CEMIP: variants seen among roughly 807,000 people sequenced by gnomAD.
CEMIP encodes the protein cell migration inducing hyaluronidase 1.
Under a neutral mutation model 156.9 loss-of-function variants are expected in CEMIP, and 105 were observed. The ratio of observed to expected loss-of-function variants is 0.67; its 90% CI spans 0.57 to 0.79. The LOEUF (loss-of-function observed/expected upper bound fraction) is 0.79, where lower values mean the gene tolerates loss of function less well. Ranked by LOEUF, CEMIP falls within the 30% of genes least tolerant of loss-of-function variation. The probability of loss-of-function intolerance (pLI) is 0.00; values close to 1 mark genes in which losing one functional copy is unlikely to be tolerated. For missense variants in CEMIP, 1,457 were observed against 1,769.4 expected (o/e 0.82, Z 3.17); for synonymous variants, 676 against 668.4 (o/e 1.01, Z -0.17).
At chr15:80,892,196 A>G (rs1899054214) in intron 10 of CEMIP, among the ~76,000 whole-genome samples, 1 of 152,080 alleles carries the variant, frequency 6.6e-6, no homozygotes, top group African/African-American at 2.4e-5. Context: ...CCTGCCATGC[A>G]CTGACATAGC....
intron 1 of CEMIP, among the ~76,000 whole-genome samples, chr15:80,841,635 T>C (rs1187418739): frequency 6.6e-6 from 1 of 152,174 alleles, no homozygotes; most frequent in Non-Finnish European, 1.5e-5. Context: ...TCTTTCTTTT[T>C]CCTTCCTTCT....
At position 80,937,897 on chromosome 15, in the gene CEMIP, G is replaced by A. The variant is rs751807711; in HGVS notation, c.3325G>A (p.Val1109Ile). Reference protein sequence around the residue: ...RLLKQTSKTGVFVRTLQMDKV... With the variant: ...RLLKQTSKTGIFVRTLQMDKV... ...GCTGAAGCAAACGTCCAAGACGGGCGTCTTCGTGAGGACCTTGCAGATGGA... is the reference window on the plus strand; with the variant it reads ...GCTGAAGCAAACGTCCAAGACGGGCATCTTCGTGAGGACCTTGCAGATGGA... The change falls in exon 25 of 30, where the codon GTC becomes ATC. Residue 1109 changes from valine (V) to isoleucine (I), a missense_variant. Physicochemically the swap from Val to Ile is conservative, Grantham distance 29. Coordinates refer to ENST00000394685, the MANE Select transcript of CEMIP (RefSeq NM_001293298.2). The A allele has an allele frequency of 5.1e-5, 83 of 1,614,102 alleles. No individual in the cohort carries two copies. Among genetic ancestry groups the A allele is most frequent in the East Asian group, 1.3e-4 (6 of 44,896 alleles).
At chr15:80,796,221 G>A (rs1896219890) in intron 1 of CEMIP, among the ~76,000 whole-genome samples, 1 of 152,008 alleles carries the variant, frequency 6.6e-6, no homozygotes, top group Admixed American at 6.6e-5. Flanking sequence ...CGATCCTCCT[G>A]TGTCGGCCTC....
At chr15:80,781,396 G>C (rs1001257572) in intron 1 of CEMIP, among the ~76,000 whole-genome samples, 1 of 152,088 alleles carries the variant, frequency 6.6e-6, no homozygotes, top group South Asian at 2.1e-4. Context: ...ATTTCCAAAG[G>C]CTCCTTTTTA....
rs1390327986 is a variant in CEMIP at position 80,848,186 on chromosome 15, A to G, written c.-175-25352A>G. Among the ~76,000 whole-genome samples, 12 of 152,320 alleles carry G rather than the reference A, an allele frequency of 7.9e-5. No individual in the cohort carries two copies. The East Asian group carries it at 2.1e-3, about 27-fold the overall frequency. ...CCCCTGCAGGAGACTGAGGTCTGGA[A>G]GGGCTGAGGTAGCGTATTCTTATTC... On this transcript the variant is annotated intron_variant, in intron 1 of 29. Coordinates refer to ENST00000394685, the MANE Select transcript of CEMIP (RefSeq NM_001293298.2).
chr15:80,822,410 T>G (rs1337422796), intron 1 of CEMIP, among the ~76,000 whole-genome samples: 1 of 152,186 alleles, frequency 6.6e-6, no homozygotes, highest in Non-Finnish European at 1.5e-5. Flanking sequence ...TCTGTCCCTT[T>G]CCAACCCAAA....
rs1240478520 is a variant in CEMIP, at chr15:80,841,480, T to C, written c.-175-32058T>C. Among the ~76,000 whole-genome samples the C allele has an allele frequency of 2.0e-5, 3 of 152,212 alleles. No homozygotes were observed. In the East Asian group the frequency reaches 5.8e-4, roughly 29 times the overall value. On this transcript the variant is annotated intron_variant, in intron 1 of 29. Coordinates refer to ENST00000394685, the MANE Select transcript of CEMIP (RefSeq NM_001293298.2). ...GCACTGCTCCACTTCTTGGTTCCCG[T>C]CCACTCTGTTGGTACAGACATGGGG...
At chr15:80,826,181 A>G (rs1255908719) in intron 1 of CEMIP, among the ~76,000 whole-genome samples, 1 of 152,236 alleles carries the variant, frequency 6.6e-6, no homozygotes. Flanking sequence ...CTTATATTTT[A>G]GATAGTGTAT....
At chr15:80,819,461 G>T (rs1486596826) in intron 1 of CEMIP, among the ~76,000 whole-genome samples, 1 of 152,182 alleles carries the variant, frequency 6.6e-6, no homozygotes, top group Non-Finnish European at 1.5e-5. Context: ...TGGTTCAGAA[G>T]TTGCTTTTCA....
intron 1 of CEMIP, among the ~76,000 whole-genome samples, chr15:80,784,523 A>C (rs1157350276): frequency 6.6e-6 from 1 of 152,004 alleles, no homozygotes; most frequent in African/African-American, 2.4e-5. Flanking sequence ...GGACAGGCAC[A>C]TTTTTCTGTG....
chr15:80,909,360 A>G lies in CEMIP; in HGVS notation c.1797+54A>G. On this transcript the variant is annotated intron_variant, in intron 14 of 29. Coordinates refer to ENST00000394685, the MANE Select transcript of CEMIP (RefSeq NM_001293298.2). ...TGGGGATGGGCCATGGATGGTTAGC[A>G]CTGGAGGGGTGTTTGGATGTAGACA... 9.6e-6 allele frequency: 15 copies of G among 1,557,652 alleles called. No homozygotes were observed. In the South Asian group the frequency reaches 1.3e-4, roughly 14 times the overall value.
chr15:80,847,375 G>A (rs375525656), intron 1 of CEMIP, among the ~76,000 whole-genome samples: 2 of 152,194 alleles, frequency 1.3e-5, no homozygotes, highest in South Asian at 4.1e-4. Flanking sequence ...AAACAAGTGA[G>A]GAGTGAACTT....
intron 1 of CEMIP, among the ~76,000 whole-genome samples, chr15:80,803,840 A>G (rs1445322259): frequency 2.6e-5 from 4 of 152,222 alleles, no homozygotes; most frequent in Admixed American, 2.6e-4. Flanking sequence ...TTTGGACTGC[A>G]ATGATCCCAT....
At chr15:80,816,282 G>A (rs1896786095) in intron 1 of CEMIP, among the ~76,000 whole-genome samples, 2 of 152,226 alleles carry the variant, frequency 1.3e-5, no homozygotes, top group South Asian at 2.1e-4. Context: ...GCTGAGGCAG[G>A]CTAGGCTAGC....
At chr15:80,922,409 C>T (rs897559537) in intron 17 of CEMIP, among the ~76,000 whole-genome samples, 1 of 152,236 alleles carries the variant, frequency 6.6e-6, no homozygotes, top group Non-Finnish European at 1.5e-5. Context: ...CTCATGCTGA[C>T]AGGGGGAGAG....
At chr15:80,800,411 G>T (rs113228034) in intron 1 of CEMIP, among the ~76,000 whole-genome samples, 1 of 152,074 alleles carries the variant, frequency 6.6e-6, no homozygotes, top group Non-Finnish European at 1.5e-5. Context: ...CTACCTTTGC[G>T]GAATGAATGA....
At chr15:80,823,350 C>T (rs766847615) in intron 1 of CEMIP, among the ~76,000 whole-genome samples, 2 of 152,184 alleles carry the variant, frequency 1.3e-5, no homozygotes, top group Non-Finnish European at 1.5e-5. Context: ...AGTGTGTACC[C>T]ACGTGAGGCC....
chr15:80,810,816 CCAT>C (rs1896653903), intron 1 of CEMIP, among the ~76,000 whole-genome samples: 2 of 151,506 alleles, frequency 1.3e-5, no homozygotes, highest in Non-Finnish European at 2.9e-5. Context: ...ATCCATCCAT[CCAT>C]CCATCCATCC....
At chr15:80,926,820 G>A (rs867025097) in intron 19 of CEMIP, among the ~76,000 whole-genome samples, 4 of 83,786 alleles carry the variant, frequency 4.8e-5, no homozygotes, top group Non-Finnish European at 7.7e-5. Context: ...CTGAGCGGGT[G>A]GGGGGGGGGG....
Sources: gnomAD v4.1 joint callset for allele counts (sites outside exome capture counted in the v4.1 genomes callset) on GRCh38, gnomAD v4.1.1 for gene constraint, MANE v1.5 for transcripts, NCBI Gene and HGNC (gene_info 2026-07-23, HGNC 2026-07-21) for gene names.